The following DPY19L3 variants were observed in gnomAD, a reference collection of about 807,000 sequenced individuals.
DPY19L3 encodes dpy-19 like C-mannosyltransferase 3.
In DPY19L3, 51 loss-of-function variants were observed where a neutral mutation model predicts 92.3. That is an observed-to-expected ratio of 0.55 (90% CI 0.44 to 0.70). The LOEUF (loss-of-function observed/expected upper bound fraction) is 0.70. DPY19L3 is among the 30% of genes least tolerant of loss of function. The probability of loss-of-function intolerance (pLI) is 0.00; values close to 1 mark genes in which losing one functional copy is unlikely to be tolerated. For missense variants in DPY19L3, 706 were observed against 855.9 expected, an observed-to-expected ratio of 0.82 and a Z score of 2.18; for synonymous variants, 309 against 315.2, an observed-to-expected ratio of 0.98 and a Z score of 0.21.
chr19:32,451,233 T>G (rs1390443901), intron 8 of DPY19L3, among the ~76,000 whole-genome samples: 1 of 152,240 alleles, frequency 6.6e-6, no homozygotes, highest in African/African-American at 2.4e-5. Flanking sequence ...GTCACTGATG[T>G]GAGAAAGTGA....
At chr19:32,425,870 G>T (rs951183111) in intron 3 of DPY19L3, among the ~76,000 whole-genome samples, 10 of 152,236 alleles carry the variant, frequency 6.6e-5, no homozygotes, top group African/African-American at 2.2e-4. Flanking sequence ...GTGAACATTG[G>T]CTTCAACTTA....
chr19:32,470,626 T>C (rs1970328006), intron 16 of DPY19L3, among the ~76,000 whole-genome samples: 1 of 152,176 alleles, frequency 6.6e-6, no homozygotes, highest in Non-Finnish European at 1.5e-5. Context: ...CATTTCTGGC[T>C]CTGAAAAACT....
At chr19:32,440,599 G>C (rs1969291939) in intron 8 of DPY19L3, among the ~76,000 whole-genome samples, 1 of 152,154 alleles carries the variant, frequency 6.6e-6, no homozygotes, top group Non-Finnish European at 1.5e-5. Flanking sequence ...GATCCAGTAA[G>C]CTTCCATAAC....
intron 3 of DPY19L3, among the ~76,000 whole-genome samples, chr19:32,426,163 C>T (rs1599605346): frequency 2.0e-5 from 3 of 152,322 alleles, no homozygotes; most frequent in South Asian, 4.1e-4. Context: ...ACCTCATGAA[C>T]CAACCTCTGC....
intron 3 of DPY19L3, among the ~76,000 whole-genome samples, chr19:32,427,063 G>A (rs1968788845): frequency 6.6e-6 from 1 of 152,056 alleles, no homozygotes; most frequent in African/African-American, 2.4e-5. Flanking sequence ...GTGCGATCTC[G>A]GCTCACTGTA....
rs1010080793 is a variant in DPY19L3, at chr19:32,426,755, T to C, written c.238-5961T>C. 4.6e-5 allele frequency among the ~76,000 whole-genome samples: 7 copies of C among 152,156 alleles called. No homozygotes were observed. The South Asian group carries it at 1.0e-3, about 23-fold the overall frequency. On this transcript the variant is annotated intron_variant, in intron 3 of 18. Coordinates refer to ENST00000392250, the MANE Select transcript of DPY19L3 (RefSeq NM_001172774.2). ...CTGATCCCAGATCCCGTGACAGGTA[T>C]AATAATAAAGAAAAATGTGAAATAT...
At chr19:32,439,308 C>T (rs1969250164) in intron 7 of DPY19L3, 73 bp downstream of exon 7, 1 of 1,484,878 alleles carries the variant, frequency 6.7e-7, no homozygotes, top group Middle Eastern at 1.8e-4. Context: ...ATGTGATGTG[C>T]TTAGTATCCC....
chr19:32,457,307 A>G (rs1288662897), intron 10 of DPY19L3, among the ~76,000 whole-genome samples: 1 of 152,176 alleles, frequency 6.6e-6, no homozygotes, highest in African/African-American at 2.4e-5. Context: ...TAGGACTGTT[A>G]AGATCTCTTC....
chr19:32,427,143 A>C (rs1968791952), intron 3 of DPY19L3, among the ~76,000 whole-genome samples: 1 of 152,062 alleles, frequency 6.6e-6, no homozygotes, highest in Non-Finnish European at 1.5e-5. Context: ...ACAGGGGCAT[A>C]CCACCATGCC....
rs899726982 is a variant in DPY19L3, at chr19:32,456,079, C to CTTTT, written c.1089+1057_1089+1060dup. On this transcript the variant is annotated intron_variant, in intron 10 of 18. Transcript: ENST00000392250. ...CAGCCAGTCACTATGTCACTATGTT[C>CTTTT]TTTTTTTTTTTTTTTTTTTTTGGAC... Among the ~76,000 whole-genome samples the CTTTT allele has an allele frequency of 4.0e-4, 41 of 103,368 alleles. 1 individual carries two copies. Among genetic ancestry groups the CTTTT allele is most frequent in the Non-Finnish European group, 4.7e-4 (25 of 53,376 alleles). 67.8% of individuals were successfully genotyped at this position (103,368 alleles called of 152,430 possible).
At chr19:32,433,479 A>G (rs781144790) in intron 4 of DPY19L3, among the ~76,000 whole-genome samples, 1 of 152,162 alleles carries the variant, frequency 6.6e-6, no homozygotes. Context: ...GTGCAGTGAT[A>G]TGATCATAGC....
Position 32,458,116 on chromosome 19 carries a change from A to C in DPY19L3, c.1106A>C (p.Lys369Thr). Residue 369 changes from lysine (K) to threonine (T), a missense_variant, in exon 11 of 19, where the codon AAG becomes ACG. Coordinates refer to ENST00000392250, the MANE Select transcript of DPY19L3 (RefSeq NM_001172774.2). Reference protein sequence around the residue: ...NNIIKKILNLKSDEHIFKFLK... With the variant: ...NNIIKKILNLTSDEHIFKFLK... ...CCCCGATAGAAAATTCTTAACCTGA[A>C]GTCAGATGAACACATATTTAAATTT... The C allele has an allele frequency of 6.2e-7, 1 of 1,613,504 alleles. No individual in the cohort carries two copies. Among genetic ancestry groups the C allele is most frequent in the Non-Finnish European group, 8.5e-7 (1 of 1,179,822 alleles).
intron 8 of DPY19L3, among the ~76,000 whole-genome samples, chr19:32,441,708 G>A (rs910990943): frequency 2.0e-5 from 3 of 152,094 alleles, no homozygotes; most frequent in Admixed American, 6.6e-5. Flanking sequence ...ATATTGCCCA[G>A]GCTGGTCTTG....
chr19:32,445,075 C>CAAAAAA (rs771623749), intron 8 of DPY19L3, among the ~76,000 whole-genome samples: 1 of 54,576 alleles, frequency 1.8e-5, no homozygotes, highest in Non-Finnish European at 3.9e-5. Context: ...GACCCAGTCT[C>CAAAAAA]AAAAAAAAAA....
intron 8 of DPY19L3, among the ~76,000 whole-genome samples, chr19:32,442,796 T>A (rs1969365622): frequency 6.6e-6 from 1 of 152,100 alleles, no homozygotes; most frequent in Admixed American, 6.5e-5. Flanking sequence ...AAACCACAGC[T>A]CCACTCCCAC....
intron 3 of DPY19L3, among the ~76,000 whole-genome samples, chr19:32,423,677 C>A (rs1235406330): frequency 6.6e-6 from 1 of 152,028 alleles, no homozygotes; most frequent in Admixed American, 6.6e-5. Flanking sequence ...CAGTGTAATA[C>A]GTATAACACA....
At chr19:32,480,347 C>T in intron 17 of DPY19L3, 52 bp from the exon 18 acceptor site, 1 of 1,567,024 alleles carries the variant, frequency 6.4e-7, no homozygotes, top group East Asian at 2.2e-5. Context: ...ATAGTTAACT[C>T]CCTGGCAGTC....
At chr19:32,408,007 C>T (rs551020787) in intron 1 of DPY19L3, among the ~76,000 whole-genome samples, 2 of 152,054 alleles carry the variant, frequency 1.3e-5, no homozygotes, top group East Asian at 1.9e-4. Flanking sequence ...TCACCTGAGC[C>T]TGTGGAAGTA....
At chr19:32,409,642 T>C (rs1968108104) in intron 2 of DPY19L3, among the ~76,000 whole-genome samples, 1 of 152,218 alleles carries the variant, frequency 6.6e-6, no homozygotes, top group Admixed American at 6.5e-5. Flanking sequence ...AGCATCTGCC[T>C]CTAGTGAGAC....
Sources: gnomAD v4.1 joint callset for allele counts (sites outside exome capture counted in the v4.1 genomes callset) on GRCh38, gnomAD v4.1.1 for gene constraint, MANE v1.5 for transcripts, NCBI Gene and HGNC (gene_info 2026-07-23, HGNC 2026-07-21) for gene names.